CNTN4: variants seen among roughly 807,000 people sequenced by gnomAD.
The protein encoded by CNTN4 is contactin-4.
In CNTN4, 77 loss-of-function variants were observed where a neutral mutation model predicts 122.5. The observed-to-expected ratio is 0.63, with a 90% CI of 0.52 to 0.76. The LOEUF (loss-of-function observed/expected upper bound fraction) is 0.76. CNTN4 is among the 30% of genes least tolerant of loss of function. CNTN4 has a pLI of 0.00. For missense variants in CNTN4, 1,256 were observed against 1,259.1 expected, an observed-to-expected ratio of 1.00 and a Z score of 0.04; for synonymous variants, 512 against 447.0, an observed-to-expected ratio of 1.15 and a Z score of -1.83.
At chr3:2,673,198 A>C (rs1403522465) in intron 4 of CNTN4, among the ~76,000 whole-genome samples, 11 of 152,160 alleles carry the variant, frequency 7.2e-5, no homozygotes, top group Non-Finnish European at 1.5e-4. Flanking sequence ...AAACAATGAG[A>C]AATCATTTCA....
At chr3:2,451,495 T>C (rs1437167749) in intron 3 of CNTN4, among the ~76,000 whole-genome samples, 2 of 151,380 alleles carry the variant, frequency 1.3e-5, no homozygotes, top group Non-Finnish European at 2.9e-5. Flanking sequence ...AAATCAGTTT[T>C]TTTTGTACTA....
chr3:3,053,041 A>G (rs1261638151), intron 23 of CNTN4, among the ~76,000 whole-genome samples: 1 of 152,054 alleles, frequency 6.6e-6, no homozygotes, highest in African/African-American at 2.4e-5. Context: ...AATCTTTTGT[A>G]TTTTTATATT....
chr3:2,643,834 C>T (rs1305695724), intron 4 of CNTN4, among the ~76,000 whole-genome samples: 1 of 152,184 alleles, frequency 6.6e-6, no homozygotes, highest in Non-Finnish European at 1.5e-5. Context: ...TGTGAGGTCA[C>T]AGGCACCCTA....
At chr3:2,160,189 A>T (rs770758283) in intron 2 of CNTN4, among the ~76,000 whole-genome samples, 1 of 152,208 alleles carries the variant, frequency 6.6e-6, no homozygotes, top group Non-Finnish European at 1.5e-5. Context: ...TGATCCTTTT[A>T]TGACTCTATA....
intron 3 of CNTN4, among the ~76,000 whole-genome samples, chr3:2,549,209 T>C (rs539821622): frequency 2.6e-5 from 4 of 152,344 alleles, no homozygotes; most frequent in South Asian, 2.1e-4. Flanking sequence ...TCTTGCCTGA[T>C]TGCCCTGGCC....
intron 3 of CNTN4, among the ~76,000 whole-genome samples, chr3:2,377,890 A>G (rs2045881251): frequency 1.3e-5 from 2 of 152,150 alleles, no homozygotes; most frequent in Admixed American, 1.3e-4. Context: ...ACACTCCTGG[A>G]TGAGGCATTT....
rs573325122 is a variant in CNTN4, at chr3:3,038,822, G to A, written c.2093-111G>A. On this transcript the variant is annotated intron_variant, in intron 18 of 24. Transcript: ENST00000418658. The stretch of plus-strand genomic sequence containing the variant: ...CTGTTGCTGATCTCCAGAGACAAAG[G>A]GGCGTGCCTCAGAGTACTCACTGAA... The A allele has an allele frequency of 6.8e-5, 54 of 790,324 alleles. No individual in the cohort carries two copies. In the African/African-American group the frequency reaches 8.6e-4, roughly 13 times the overall value. 49.0% of individuals were successfully genotyped at this position (790,324 alleles called of 1,614,324 possible). A position where few individuals can be genotyped will look rare whatever the true frequency, so the allele number is the denominator to read the frequency against.
chr3:2,636,407 A>G (rs573267925), intron 4 of CNTN4, among the ~76,000 whole-genome samples: 132 of 152,342 alleles, frequency 8.7e-4, no homozygotes, highest in African/African-American at 3.1e-3. Context: ...GGGGCTGTGT[A>G]ATCATTTTAT....
In CNTN4 at chr3:3,042,361, A is replaced by T. The variant is rs146888168; in HGVS notation, c.2450A>T (p.Asp817Val). 3,076 of 1,614,114 alleles carry T rather than the reference A, an allele frequency of 1.9e-3. 5 individuals carry two copies. Among genetic ancestry groups the T allele is most frequent in the Non-Finnish European group, 2.3e-3 (2,699 of 1,179,980 alleles). The part of the protein sequence containing the change: ...SIFARSLSAT[D>V]IEVFWASPLE... ...TTTGCCAGAAGTCTTTCTGCCACAG[A>T]TATTGAAGTTTTCTGGGCCTCCCCA... Residue 817 changes from aspartate (D) to valine (V), a missense_variant, in exon 21 of 25, where the codon GAT becomes GTT. Physicochemically the swap from Asp to Val is radical, Grantham distance 152 (BLOSUM62 -3). Coordinates refer to ENST00000418658, the MANE Select transcript of CNTN4 (RefSeq NM_175607.3).
chr3:2,370,952 C>T (rs754305334), intron 3 of CNTN4, among the ~76,000 whole-genome samples: 4 of 152,132 alleles, frequency 2.6e-5, no homozygotes, highest in Non-Finnish European at 5.9e-5. Context: ...TTTAAAAGCA[C>T]CAAACTAAGT....
intron 4 of CNTN4, among the ~76,000 whole-genome samples, chr3:2,713,945 T>C (rs2087315494): frequency 6.6e-6 from 1 of 152,206 alleles, no homozygotes; most frequent in South Asian, 2.1e-4. Context: ...ACCTTCATCA[T>C]GGTTGAAATG....
rs573824676 is a variant in CNTN4 at position 2,434,745 on chromosome 3, C to T, written c.-89+95512C>T. On this transcript the variant is annotated intron_variant, in intron 3 of 24. Coordinates refer to ENST00000418658, the MANE Select transcript of CNTN4 (RefSeq NM_175607.3). Reference sequence around the variant, plus strand: ...ACAATTTTTTTCCACACCTTGGAGCCGTTTTTGTGACAGACTCAAAGACCT... The same window carrying T: ...ACAATTTTTTTCCACACCTTGGAGCTGTTTTTGTGACAGACTCAAAGACCT... 1.1e-3 allele frequency among the ~76,000 whole-genome samples: 168 copies of T among 152,166 alleles called. 8 individuals carry two copies. The South Asian group carries it at 0.03, about 28-fold the overall frequency.
intron 2 of CNTN4, among the ~76,000 whole-genome samples, chr3:2,142,577 A>G (rs935703626): frequency 1.3e-5 from 2 of 152,088 alleles, no homozygotes; most frequent in African/African-American, 2.4e-5. Flanking sequence ...TCCTGACTGC[A>G]AGTGATCTGC....
chr3:2,207,352 G>T (rs886848329), intron 2 of CNTN4, among the ~76,000 whole-genome samples: 1 of 152,086 alleles, frequency 6.6e-6, no homozygotes, highest in African/African-American at 2.4e-5. Flanking sequence ...AAGGCATGTC[G>T]AAAGCTGAGA....
At chr3:2,124,433 AACACACACACACACACAC>A (rs60760373) in intron 2 of CNTN4, among the ~76,000 whole-genome samples, 1 of 123,816 alleles carries the variant, frequency 8.1e-6, no homozygotes, top group Non-Finnish European at 1.7e-5. Context: ...ATTTATTTAA[AACACACACACACACACAC>A]ACACACACAC....
In CNTN4 at chr3:2,758,557, T is replaced by G. The variant is rs1479048898; in HGVS notation, c.358+12860T>G. ...TTTTGAGACGGAGTCTCCCTCTGTCTGCTGGCGTGCAGTGGCGGGATCTCG... is the reference window on the plus strand; with the variant it reads ...TTTTGAGACGGAGTCTCCCTCTGTCGGCTGGCGTGCAGTGGCGGGATCTCG... On this transcript the variant is annotated intron_variant, in intron 6 of 24. Transcript: ENST00000418658. Among the ~76,000 whole-genome samples the G allele has an allele frequency of 2.0e-5, 3 of 150,000 alleles. No individual in the cohort carries two copies. In the East Asian group the frequency reaches 5.9e-4, roughly 29 times the overall value.
intron 2 of CNTN4, among the ~76,000 whole-genome samples, chr3:2,286,244 C>CCT (rs1484746277): frequency 7.2e-6 from 1 of 139,164 alleles, no homozygotes; most frequent in Non-Finnish European, 1.6e-5. Flanking sequence ...CTGCCCCCCC[C>CCT]ACAACATACA....
intron 4 of CNTN4, among the ~76,000 whole-genome samples, chr3:2,732,149 T>C (rs2088733610): frequency 6.6e-6 from 1 of 152,160 alleles, no homozygotes; most frequent in Non-Finnish European, 1.5e-5. Context: ...AAAAAATGTG[T>C]CTAGGAGTGG....
intron 2 of CNTN4, among the ~76,000 whole-genome samples, chr3:2,152,407 G>T (rs1574949563): frequency 6.6e-6 from 1 of 152,260 alleles, no homozygotes; most frequent in Middle Eastern, 3.4e-3. Context: ...TAGCTTTGGG[G>T]TCTAGACTGG....
Sources: allele counts gnomAD v4.1 joint callset (sites outside exome capture counted in the v4.1 genomes callset), GRCh38; gene constraint gnomAD v4.1.1; transcripts MANE v1.5; gene names NCBI Gene and HGNC (gene_info 2026-07-23, HGNC 2026-07-21).